EXOC4: variants seen among roughly 807,000 people sequenced by gnomAD.
The protein encoded by EXOC4 is SEC8-like 1.
EXOC4 carries 71 observed loss-of-function variants against 107.2 expected under a neutral mutation model. The observed-to-expected ratio is 0.66, with a 90% confidence interval of 0.55 to 0.81. The LOEUF (loss-of-function observed/expected upper bound fraction) is 0.81. Ranked by LOEUF, EXOC4 falls within the 30% of genes least tolerant of loss-of-function variation. EXOC4 has a pLI of 0.00. For missense variants in EXOC4, 1,108 were observed against 1,189.6 expected, an observed-to-expected ratio of 0.93 and a Z score of 1.01; for synonymous variants, 456 against 441.2, an observed-to-expected ratio of 1.03 and a Z score of -0.42.
intron 9 of EXOC4, among the ~76,000 whole-genome samples, chr7:133,603,934 AAC>A (rs1341737047): frequency 2.0e-5 from 3 of 152,160 alleles, no homozygotes; most frequent in Non-Finnish European, 2.9e-5. Context: ...TTAAAACACA[AAC>A]ACAGTGTACA....
At chr7:133,524,603 G>A (rs1051578377) in intron 9 of EXOC4, among the ~76,000 whole-genome samples, 2 of 150,172 alleles carry the variant, frequency 1.3e-5, no homozygotes, top group Non-Finnish European at 3.0e-5. Flanking sequence ...AATCCATCTT[G>A]AATTGATTTT....
chr7:133,347,839 G>A (rs894280721), intron 5 of EXOC4, among the ~76,000 whole-genome samples: 25 of 152,092 alleles, frequency 1.6e-4, no homozygotes, highest in Non-Finnish European at 3.7e-4. Flanking sequence ...TTAATATTTA[G>A]CATTATCAGT....
intron 7 of EXOC4, among the ~76,000 whole-genome samples, chr7:133,472,887 G>A (rs796392995): frequency 2.4e-4 from 36 of 152,164 alleles, no homozygotes; most frequent in African/African-American, 7.7e-4. Flanking sequence ...AAAGAAAAAT[G>A]ATCTTAAAAT....
chr7:133,857,148 GTA>G (rs60382657), intron 11 of EXOC4, among the ~76,000 whole-genome samples: 12 of 20,708 alleles, frequency 5.8e-4, no homozygotes, highest in Admixed American at 9.5e-4. Flanking sequence ...ACACATACAC[GTA>G]TATATATATA....
chr7:133,755,621 C>T (rs1795900546), intron 10 of EXOC4, among the ~76,000 whole-genome samples: 2 of 151,914 alleles, frequency 1.3e-5, no homozygotes, highest in East Asian at 1.9e-4. Context: ...GGATTACAGG[C>T]ATGAGCCACT....
the EXOC4 span, among the ~76,000 whole-genome samples, chr7:134,076,299 C>T: frequency 6.6e-6 from 1 of 152,088 alleles, no homozygotes; most frequent in Non-Finnish European, 1.5e-5. Context: ...AGGTGGATGA[C>T]GAGGTCAGGA....
chr7:133,691,197 G>A (rs1794411787), intron 10 of EXOC4, among the ~76,000 whole-genome samples: 1 of 152,180 alleles, frequency 6.6e-6, no homozygotes, highest in South Asian at 2.1e-4. Context: ...AATGATATAT[G>A]AGAAATATGA....
chr7:133,373,836 A>G (rs541124984), intron 6 of EXOC4, among the ~76,000 whole-genome samples: 2 of 152,344 alleles, frequency 1.3e-5, no homozygotes, highest in South Asian at 4.1e-4. Flanking sequence ...AAGTATTCAG[A>G]GATGTATAAA....
the EXOC4 span, among the ~76,000 whole-genome samples, chr7:134,097,113 G>A: frequency 1.4e-3 from 206 of 152,154 alleles, no homozygotes; most frequent in East Asian, 6.4e-3. Flanking sequence ...TAGGAGAGTA[G>A]CAACAATTAA....
At position 133,563,235 on chromosome 7, in the gene EXOC4, G is replaced by T. The variant is rs145912670; in HGVS notation, c.1418-66810G>T. 2.6e-3 allele frequency among the ~76,000 whole-genome samples: 399 copies of T among 151,480 alleles called. 1 individual carries two copies. Among genetic ancestry groups the T allele is most frequent in the Middle Eastern group, 3.4e-3 (1 of 292 alleles). ...AAGTGTTGGAAAGAAGGAAAGTTAG[G>T]TTTTTTTTTAATTATTAAAGTATCC... is the stretch of plus-strand genomic sequence containing the variant. On this transcript the variant is annotated intron_variant, in intron 9 of 17. Transcript: ENST00000253861.
intron 14 of EXOC4, among the ~76,000 whole-genome samples, chr7:133,942,418 A>G (rs1293839523): frequency 6.6e-6 from 1 of 152,120 alleles, no homozygotes; most frequent in Non-Finnish European, 1.5e-5. Flanking sequence ...AGCCTCTTCT[A>G]ATTTTTTGGG....
rs1322131729 is a variant in EXOC4, at chr7:133,312,810, A to G, written c.657-4474A>G. Reference sequence around the variant, plus strand: ...TCTGTAAGATGTTTTGGAAGGCAGTATACCAAAATGATGTGAATGGATTAT... The same window carrying G: ...TCTGTAAGATGTTTTGGAAGGCAGTGTACCAAAATGATGTGAATGGATTAT... On this transcript the variant is annotated intron_variant, in intron 4 of 17. Transcript: ENST00000253861. Among the ~76,000 whole-genome samples the G allele has an allele frequency of 4.6e-5, 7 of 151,984 alleles. No individual in the cohort carries two copies. The East Asian group carries it at 1.4e-3, about 29-fold the overall frequency.
intron 9 of EXOC4, among the ~76,000 whole-genome samples, chr7:133,523,516 T>A (rs1271993612): frequency 6.6e-6 from 1 of 151,824 alleles, no homozygotes; most frequent in Non-Finnish European, 1.5e-5. Context: ...TACGTATACA[T>A]GTGCCATGCT....
chr7:133,804,201 T>A, intron 10 of EXOC4, among the ~76,000 whole-genome samples: 1 of 152,136 alleles, frequency 6.6e-6, no homozygotes, highest in Admixed American at 6.5e-5. Flanking sequence ...AAAGTGTAGA[T>A]GTGTGAACAG....
chr7:133,688,100 T>C (rs1385742302), intron 10 of EXOC4, among the ~76,000 whole-genome samples: 1 of 152,134 alleles, frequency 6.6e-6, no homozygotes, highest in Non-Finnish European at 1.5e-5. Context: ...GTTAAAATCG[T>C]GATTGAGATA....
At chr7:133,341,324 A>G (rs934226051) in intron 5 of EXOC4, among the ~76,000 whole-genome samples, 4 of 152,044 alleles carry the variant, frequency 2.6e-5, no homozygotes, top group Admixed American at 2.0e-4. Flanking sequence ...TTTAATTTCC[A>G]TGTATTTGTA....
chr7:133,929,691 G>A lies in EXOC4; in HGVS notation c.2028-8200G>A, dbSNP rs116072735. 2.5e-3 allele frequency among the ~76,000 whole-genome samples: 387 copies of A among 152,186 alleles called. 5 individuals carry two copies. Among genetic ancestry groups the A allele is most frequent in the African/African-American group, 8.2e-3 (342 of 41,516 alleles). The stretch of plus-strand genomic sequence containing the variant: ...CACCCAGTTAAGAAACATAGTACCC[G>A]ATGGGTAGTATTTTGATTCTAACCC... On this transcript the variant is annotated intron_variant, in intron 13 of 17. Coordinates refer to ENST00000253861, the MANE Select transcript of EXOC4 (RefSeq NM_021807.4).
chr7:133,791,486 G>T (rs1796702670), intron 10 of EXOC4, among the ~76,000 whole-genome samples: 1 of 152,206 alleles, frequency 6.6e-6, no homozygotes, highest in South Asian at 2.1e-4. Flanking sequence ...TTGAACAAAT[G>T]AGTGGAAGAA....
At chr7:133,878,149 A>G (rs1203039404) in intron 11 of EXOC4, among the ~76,000 whole-genome samples, 1 of 152,238 alleles carries the variant, frequency 6.6e-6, no homozygotes. Context: ...TCAAGATAGC[A>G]TTATCACTAT....
Sources: gnomAD v4.1 joint callset for allele counts (sites outside exome capture counted in the v4.1 genomes callset) on GRCh38, gnomAD v4.1.1 for gene constraint, MANE v1.5 for transcripts, NCBI Gene and HGNC (gene_info 2026-07-23, HGNC 2026-07-21) for gene names.